CAMTA1: variants seen among roughly 807,000 people sequenced by gnomAD.
The protein encoded by CAMTA1 is calmodulin binding transcription activator 1, also known as calmodulin-binding transcription activator 1.
Under a neutral mutation model 170.9 loss-of-function variants are expected in CAMTA1, and 27 were observed. The observed-to-expected ratio is 0.16, with a 90% CI of 0.12 to 0.22. The LOEUF (loss-of-function observed/expected upper bound fraction) is 0.22. Ranked by LOEUF, CAMTA1 falls within the 10% of genes least tolerant of loss-of-function variation. The probability of loss-of-function intolerance (pLI) is 1.00; values close to 1 mark genes in which losing one functional copy is unlikely to be tolerated. For missense variants in CAMTA1, 1,619 were observed against 2,217.2 expected, an observed-to-expected ratio of 0.73 and a Z score of 5.42; for synonymous variants, 833 against 891.5, an observed-to-expected ratio of 0.93 and a Z score of 1.17.
intron 11 of CAMTA1, among the ~76,000 whole-genome samples, chr1:7,704,133 G>A (rs1056758410): frequency 6.6e-6 from 1 of 151,116 alleles, no homozygotes; most frequent in South Asian, 2.1e-4. Context: ...CGCAGCGCCG[G>A]CTCCTCCCGC....
intron 6 of CAMTA1, among the ~76,000 whole-genome samples, chr1:7,488,300 A>T (rs2093645021): frequency 6.6e-6 from 1 of 152,080 alleles, no homozygotes; most frequent in Non-Finnish European, 1.5e-5. Context: ...TCCTGGTAGG[A>T]TGTGGGATGG....
At position 7,299,932 on chromosome 1, in the gene CAMTA1, C is replaced by G. The variant is rs1026273213; in HGVS notation, c.438+50306C>G. On this transcript the variant is annotated intron_variant, in intron 5 of 22. Coordinates refer to ENST00000303635, the MANE Select transcript of CAMTA1 (RefSeq NM_015215.4). This position sits in a 1 kb window ranked among gnomAD's most constrained non-coding sequence, Gnocchi z 4.7. ...GGGGCCCGTGCAACCAGAGGTGCCC[C>G]GAAAGCTTAAGTGTCATTGACTTCC... 6.6e-6 allele frequency among the ~76,000 whole-genome samples: 1 copy of G among 152,118 alleles called. No homozygotes were observed. Among genetic ancestry groups the G allele is most frequent in the Admixed American group, 6.5e-5 (1 of 15,276 alleles).
At chr1:6,909,492 G>A (rs960987913) in intron 3 of CAMTA1, among the ~76,000 whole-genome samples, 7 of 152,232 alleles carry the variant, frequency 4.6e-5, no homozygotes, top group African/African-American at 1.7e-4. Context: ...GTTGGGGCGG[G>A]GGGCCTCTAC....
intron 7 of CAMTA1, among the ~76,000 whole-genome samples, chr1:7,655,579 C>T (rs1041239675): frequency 3.3e-5 from 4 of 121,750 alleles, no homozygotes; most frequent in Non-Finnish European, 5.5e-5. Flanking sequence ...CCCACCTACA[C>T]ACACAAACAC....
intron 3 of CAMTA1, among the ~76,000 whole-genome samples, chr1:6,901,207 C>T (rs1427749020): frequency 1.3e-5 from 2 of 152,172 alleles, no homozygotes; most frequent in Non-Finnish European, 2.9e-5. Context: ...TAAAATGAAC[C>T]TCAACCCATA....
At chr1:6,800,986 A>G (rs975031514) in intron 1 of CAMTA1, among the ~76,000 whole-genome samples, 43 of 152,220 alleles carry the variant, frequency 2.8e-4, no homozygotes, top group African/African-American at 1.0e-3. Context: ...CTTTGATGAA[A>G]GTTTCTTCCT....
chr1:7,047,197 G>T (rs986211783), intron 3 of CAMTA1, among the ~76,000 whole-genome samples: 15 of 152,196 alleles, frequency 9.9e-5, no homozygotes, highest in African/African-American at 3.6e-4. Context: ...TGTGTGGTGT[G>T]AACAAGTGGC....
intron 6 of CAMTA1, among the ~76,000 whole-genome samples, chr1:7,471,022 C>T (rs1212309): frequency 6.6e-6 from 1 of 152,238 alleles, no homozygotes; most frequent in African/African-American, 2.4e-5. Flanking sequence ...GACGTATCCA[C>T]CCCGGGGCGG....
intron 4 of CAMTA1, among the ~76,000 whole-genome samples, chr1:7,172,617 AGGGATGCCCAGCCTG>A (rs1649888421): frequency 6.6e-6 from 1 of 152,180 alleles, no homozygotes; most frequent in Non-Finnish European, 1.5e-5. Flanking sequence ...ACATCTGATG[AGGGATGCCCAGCCTG>A]GGGATGCTCT....
chr1:6,908,346 T>C (rs1203615873), intron 3 of CAMTA1, among the ~76,000 whole-genome samples: 1 of 152,194 alleles, frequency 6.6e-6, no homozygotes, highest in Admixed American at 6.6e-5. Flanking sequence ...GCCTTGTTTC[T>C]CCACCATGCC....
rs769575214 is a variant in CAMTA1 at position 7,657,059 on chromosome 1, G to A, written c.665-4667G>A. On this transcript the variant is annotated intron_variant, in intron 7 of 22. Transcript: ENST00000303635. ...CCGGCCTGTGTTTCACGGGGCAGCC[G>A]CAGGGCTTCTCGGGTAGCTGTAGGA... is the stretch of plus-strand genomic sequence containing the variant. Among the ~76,000 whole-genome samples, 8 of 152,210 alleles carry A rather than the reference G, an allele frequency of 5.3e-5. 1 individual carries two copies. The highest frequency in any genetic ancestry group is 4.1e-4 in the South Asian group (2 of 4,834).
chr1:7,205,225 A>G (rs1427850186), intron 4 of CAMTA1, among the ~76,000 whole-genome samples: 2 of 151,932 alleles, frequency 1.3e-5, no homozygotes, highest in East Asian at 3.9e-4. Context: ...TTCCTGCCTT[A>G]CCCAAGTAGC....
In CAMTA1 at chr1:7,704,208, G is replaced by C. The variant is rs1276570284; in HGVS notation, c.2914+26475G>C. ...GGCCGCGCAGGGAGCCCGAGCCCGG[G>C]AACGCGGGCCCTCGGCGCGGAGCTT... On this transcript the variant is annotated intron_variant, in intron 11 of 22. Transcript: ENST00000303635. Among the ~76,000 whole-genome samples, 4 of 148,038 alleles carry C rather than the reference G, an allele frequency of 2.7e-5. No homozygotes were observed. In the East Asian group the frequency reaches 5.9e-4, roughly 22 times the overall value.
At chr1:6,937,163 T>A (rs1044983692) in intron 3 of CAMTA1, among the ~76,000 whole-genome samples, 11 of 142,124 alleles carry the variant, frequency 7.7e-5, no homozygotes, top group Non-Finnish European at 1.4e-4. Context: ...ATCACCGTCA[T>A]CACCACCATA....
intron 5 of CAMTA1, among the ~76,000 whole-genome samples, chr1:7,446,024 G>A (rs2092671965): frequency 6.6e-6 from 1 of 152,136 alleles, no homozygotes; most frequent in African/African-American, 2.4e-5. Context: ...ATAAACAGGG[G>A]AGTTGGGCTG....
chr1:7,216,193 A>T lies in CAMTA1; in HGVS notation c.303-33298A>T, dbSNP rs1355447591. On this transcript the variant is annotated intron_variant, in intron 4 of 22. Transcript: ENST00000303635. This position sits in a 1 kb window ranked among gnomAD's most constrained non-coding sequence, Gnocchi z 4.0. The stretch of plus-strand genomic sequence containing the variant: ...GTCCTGCACTCTTCCAAACAACCAG[A>T]TCTCCTGAGAACTCACTCACTATCA... 6.6e-6 allele frequency among the ~76,000 whole-genome samples: 1 copy of T among 152,066 alleles called. No individual in the cohort carries two copies. The highest frequency in any genetic ancestry group is 1.9e-4 in the East Asian group (1 of 5,168).
chr1:7,722,682 T>A lies in CAMTA1; in HGVS notation c.2915-9766T>A, dbSNP rs1375901577. On this transcript the variant is annotated intron_variant, in intron 11 of 22. Transcript: ENST00000303635. ...ACAGGAGTTAAACCTGAAGGTCTCT[T>A]TTTTTTTTAGTTTAATATATCAATA... 3.3e-5 allele frequency among the ~76,000 whole-genome samples: 5 copies of A among 150,900 alleles called. No individual in the cohort carries two copies. The East Asian group carries it at 9.7e-4, about 29-fold the overall frequency.
intron 5 of CAMTA1, among the ~76,000 whole-genome samples, chr1:7,307,588 G>A (rs1235374166): frequency 6.6e-6 from 1 of 151,922 alleles, no homozygotes; most frequent in Admixed American, 6.5e-5. Flanking sequence ...TTTGGTAGAT[G>A]CCCTTCATCT....
intron 3 of CAMTA1, among the ~76,000 whole-genome samples, chr1:6,895,801 A>G (rs1475546462): frequency 2.0e-5 from 3 of 152,160 alleles, no homozygotes; most frequent in African/African-American, 7.2e-5. Context: ...CGATAGCCTG[A>G]TGACAGGTGA....
Sources: gnomAD v4.1 joint callset for allele counts (sites outside exome capture counted in the v4.1 genomes callset) on GRCh38, gnomAD v4.1.1 for gene constraint, Gnocchi (gnomAD v3.1) non-coding constraint, MANE v1.5 for transcripts, NCBI Gene and HGNC (gene_info 2026-07-23, HGNC 2026-07-21) for gene names.